ZNF280B: variants seen among roughly 807,000 people sequenced by gnomAD.
ZNF280B encodes the protein suppressor of hairy wing homolog 2.
ZNF280B carries 16 observed loss-of-function variants against 38.0 expected under a neutral mutation model. The ratio of observed to expected loss-of-function variants is 0.42; its 90% CI spans 0.28 to 0.64. ZNF280B has a LOEUF of 0.64. Among genes scored for constraint, ZNF280B ranks in the 30% least tolerant of loss-of-function variants. ZNF280B has a pLI of 0.21. For synonymous variants in ZNF280B, 253 were observed against 230.6 expected (o/e 1.10, Z -0.88); for missense variants, 581 against 639.6 (o/e 0.91, Z 0.99).
chr22:22,500,885 T>G (rs755633455), intron 2 of ZNF280B, among the ~76,000 whole-genome samples: 2 of 150,812 alleles, frequency 1.3e-5, no homozygotes, highest in Non-Finnish European at 3.0e-5. Flanking sequence ...GGCGTAGTGG[T>G]GGCACACACC....
In ZNF280B at chr22:22,485,078, A is replaced by G. The variant is rs398182; in HGVS notation, c.*2689T>C. ...CAAGGCCAGTGTGTCAAAATAGTGC[A>G]TCATTGGGGAAAACAGTGGAGAAGC... On this transcript the variant is annotated 3_prime_UTR_variant, in exon 4 of 4. Coordinates refer to ENST00000626650, the MANE Select transcript of ZNF280B (RefSeq NM_080764.4). 0.13 allele frequency: 19,591 copies of G among 152,220 alleles called. 1,467 individuals carry two copies. Among genetic ancestry groups the G allele is most frequent in the South Asian group, 0.29 (1,408 of 4,792 alleles). The allele number at this position is 152,220 out of a possible 1,614,324, so 9.4% of individuals were successfully genotyped here. A position where few individuals can be genotyped will look rare whatever the true frequency, so the allele number is the denominator to read the frequency against.
intron 2 of ZNF280B, among the ~76,000 whole-genome samples, chr22:22,495,929 C>T (rs765151281): frequency 4.0e-5 from 6 of 151,346 alleles, no homozygotes; most frequent in Non-Finnish European, 5.9e-5. Context: ...CCTCAGCCTA[C>T]CAAGTAGCTG....
At chr22:22,495,777 A>G (rs1039895381) in intron 2 of ZNF280B, among the ~76,000 whole-genome samples, 2 of 150,720 alleles carry the variant, frequency 1.3e-5, no homozygotes, top group Admixed American at 1.3e-4. Flanking sequence ...CTCCCCTCCT[A>G]GACTCTCAGG....
Position 22,488,600 on chromosome 22 carries a change from G to C in ZNF280B, c.799C>G (p.Leu267Val), listed in dbSNP as rs971354870. 8.7e-6 allele frequency: 14 copies of C among 1,613,724 alleles called. No individual in the cohort carries two copies. In the African/African-American group the frequency reaches 9.4e-5, roughly 11 times the overall value. The change falls in exon 4 of 4, where the codon CTA (leucine) becomes GTA (valine). Residue 267 changes from leucine to valine, a missense_variant. Coordinates refer to ENST00000626650, the MANE Select transcript of ZNF280B (RefSeq NM_080764.4). Reference sequence around the variant, plus strand: ...TCAAAGGTCTTGTTTTGACTTGTTAGACTCAAAATGTCTGTTTTTGCCAAT... The same window carrying C: ...TCAAAGGTCTTGTTTTGACTTGTTACACTCAAAATGTCTGTTTTTGCCAAT... ...NELAKTDILS[L>V]TSQNKTFDPK...
chr22:22,487,674 G>A lies in ZNF280B; in HGVS notation c.*93C>T. ...TAATCCACTAGTTTCACTATTTTTG[G>A]TGCTACTGAATAATGTATGGTTTGT... On this transcript the variant is annotated 3_prime_UTR_variant, in exon 4 of 4. Transcript: ENST00000626650. 1 of 1,013,814 alleles carries A rather than the reference G, an allele frequency of 9.9e-7. No individual in the cohort carries two copies. Among genetic ancestry groups the A allele is most frequent in the East Asian group, 2.4e-5 (1 of 40,938 alleles). The allele number at this position is 1,013,814 out of a possible 1,614,324, so 62.8% of individuals were successfully genotyped here.
chr22:22,487,140 A>G lies in ZNF280B; in HGVS notation c.*627T>C, dbSNP rs778019626. ...AGCTTTCAAGCTTAGGAGTAACATGAAATACCAAAACAATAAATAGGTGCC... is the reference window on the plus strand; with the variant it reads ...AGCTTTCAAGCTTAGGAGTAACATGGAATACCAAAACAATAAATAGGTGCC... On this transcript the variant is annotated 3_prime_UTR_variant, in exon 4 of 4. Transcript: ENST00000626650. The G allele has an allele frequency of 2.6e-5, 4 of 152,018 alleles. No homozygotes were observed. Among genetic ancestry groups the G allele is most frequent in the Admixed American group, 2.6e-4 (4 of 15,248 alleles). The allele number at this position is 152,018 out of a possible 1,614,324, so 9.4% of individuals were successfully genotyped here. A position where few individuals can be genotyped will look rare whatever the true frequency, so the allele number is the denominator to read the frequency against.
intron 2 of ZNF280B, among the ~76,000 whole-genome samples, chr22:22,495,675 G>T (rs1044166749): frequency 6.6e-6 from 1 of 151,948 alleles, no homozygotes; most frequent in Admixed American, 6.6e-5. Flanking sequence ...GGAAATAGTA[G>T]TAAGGATCTG....
chr22:22,501,050 C>CA (rs1443776843), intron 2 of ZNF280B, among the ~76,000 whole-genome samples: 13 of 123,922 alleles, frequency 1.0e-4, no homozygotes, highest in Non-Finnish European at 1.4e-4. Context: ...AACAAAAAAC[C>CA]AAAAAAACAA....
rs143819973 is a variant in ZNF280B at position 22,501,788 on chromosome 22, C to T, written c.-187+6022G>A. ...ATTTTGGGAGGCTGAGGCAGGAGGA[C>T]TTAGTCAGCTCAGGAATTCCAGACC... On this transcript the variant is annotated intron_variant, in intron 2 of 3. Transcript: ENST00000626650. 1.1e-4 allele frequency among the ~76,000 whole-genome samples: 17 copies of T among 151,800 alleles called. No homozygotes were observed. In the East Asian group the frequency reaches 3.4e-3, roughly 30 times the overall value.
chr22:22,484,435 C>T lies in ZNF280B; in HGVS notation c.*3332G>A, dbSNP rs975137631. On this transcript the variant is annotated 3_prime_UTR_variant, in exon 4 of 4. Transcript: ENST00000626650. Reference sequence around the variant, plus strand: ...CAGCAACAGCATTTTTTTCACAAAACATTTTATTACTATAATTGATATTTT... The same window carrying T: ...CAGCAACAGCATTTTTTTCACAAAATATTTTATTACTATAATTGATATTTT... 4 of 151,798 alleles carry T rather than the reference C, an allele frequency of 2.6e-5. No homozygotes were observed. Among genetic ancestry groups the T allele is most frequent in the Non-Finnish European group, 5.9e-5 (4 of 67,912 alleles). 9.4% of individuals were successfully genotyped at this position (151,798 alleles called of 1,614,324 possible).
At chr22:22,495,667 A>C (rs2061679300) in intron 2 of ZNF280B, among the ~76,000 whole-genome samples, 1 of 151,996 alleles carries the variant, frequency 6.6e-6, no homozygotes, top group Admixed American at 6.6e-5. Context: ...GCAAGAGTGG[A>C]AATAGTAGTA....
In ZNF280B at chr22:22,487,740, C is replaced by G. The variant is rs757976549; in HGVS notation, c.*27G>C. The G allele has an allele frequency of 2.6e-6, 4 of 1,531,856 alleles. No individual in the cohort carries two copies. The highest frequency in any genetic ancestry group is 1.9e-4 in the Middle Eastern group (1 of 5,330). The allele number at this position is 1,531,856 out of a possible 1,614,324, so 94.9% of individuals were successfully genotyped here. A position where few individuals can be genotyped will look rare whatever the true frequency, so the allele number is the denominator to read the frequency against. ...AGGTTTTTTAATTTGGTTTGAAATA[C>G]TTGCTTTAGATTTACTGAAACTAGA... On this transcript the variant is annotated 3_prime_UTR_variant, in exon 4 of 4. Transcript: ENST00000626650.
rs1177424385 is a variant in ZNF280B, at chr22:22,486,395, G to C, written c.*1372C>G. 6.8e-6 allele frequency: 1 copy of C among 147,408 alleles called. No homozygotes were observed. The highest frequency in any genetic ancestry group is 2.0e-4 in the East Asian group (1 of 5,090). The allele number at this position is 147,408 out of a possible 1,614,324, so 9.1% of individuals were successfully genotyped here. A position where few individuals can be genotyped will look rare whatever the true frequency, so the allele number is the denominator to read the frequency against. Reference sequence around the variant, plus strand: ...TAAATTTAGCCCAGTCCAGGAACTGGACAGACACCACTTGTTTGGCCCTTT... The same window carrying C: ...TAAATTTAGCCCAGTCCAGGAACTGCACAGACACCACTTGTTTGGCCCTTT... On this transcript the variant is annotated 3_prime_UTR_variant, in exon 4 of 4. Coordinates refer to ENST00000626650, the MANE Select transcript of ZNF280B (RefSeq NM_080764.4).
intron 2 of ZNF280B, among the ~76,000 whole-genome samples, chr22:22,506,770 G>A (rs2061947773): frequency 6.6e-6 from 1 of 151,902 alleles, no homozygotes; most frequent in Non-Finnish European, 1.5e-5. Flanking sequence ...AGAGGTTCTG[G>A]CCTTAGCAAG....
In ZNF280B at chr22:22,487,447, TAAAAAAAAAAAAAAAA is replaced by T. The variant is rs71199481; in HGVS notation, c.*304_*319del. The T allele has an allele frequency of 1.8e-3, 118 of 66,788 alleles. No individual in the cohort carries two copies. The highest frequency in any genetic ancestry group is 6.5e-3 in the East Asian group (17 of 2,626). 4.1% of individuals were successfully genotyped at this position (66,788 alleles called of 1,614,324 possible). A position where few individuals can be genotyped will look rare whatever the true frequency, so the allele number is the denominator to read the frequency against. ...TAACAGTGAGACCCTGTCTCTAAAGTAAAAAAAAAAAAAAAAAAAAAAAAAAAAATTAAAATTAAAA... is the reference window on the plus strand; with the variant it reads ...TAACAGTGAGACCCTGTCTCTAAAGTAAAAAAAAAAAAATTAAAATTAAAA... On this transcript the variant is annotated 3_prime_UTR_variant, in exon 4 of 4. Transcript: ENST00000626650.
At chr22:22,491,994 T>C (rs2061604841) in intron 3 of ZNF280B, among the ~76,000 whole-genome samples, 1 of 151,972 alleles carries the variant, frequency 6.6e-6, no homozygotes, top group Admixed American at 6.6e-5. Flanking sequence ...TAAATTGACA[T>C]CTAATAAATG....
At chr22:22,504,059 C>T (rs1315842901) in intron 2 of ZNF280B, among the ~76,000 whole-genome samples, 1 of 151,984 alleles carries the variant, frequency 6.6e-6, no homozygotes, top group African/African-American at 2.4e-5. Context: ...AATTTACACA[C>T]TGAAGGGAAA....
intron 2 of ZNF280B, among the ~76,000 whole-genome samples, chr22:22,496,365 T>C (rs5758499): frequency 0.15 from 22,407 of 151,696 alleles, 1,869 homozygotes; most frequent in South Asian, 0.29. Flanking sequence ...CCAAAAGTGC[T>C]GGGATTACAG....
At chr22:22,509,111 C>T (rs5758548), upstream of ZNF280B, 27,178 of 152,884 alleles carry the variant, frequency 0.18, 2,545 homozygotes, top group East Asian at 0.32. Context: ...GCTGTCGCAG[C>T]CAGGGCTTGG....
Sources: allele counts gnomAD v4.1 joint callset (sites outside exome capture counted in the v4.1 genomes callset), GRCh38; gene constraint gnomAD v4.1.1; transcripts MANE v1.5; gene names NCBI Gene and HGNC (gene_info 2026-07-23, HGNC 2026-07-21).